Variants in TTC29 observed in about 807,000 individuals in gnomAD.
TTC29 encodes tetratricopeptide repeat protein 29.
Under a neutral mutation model 58.1 loss-of-function variants are expected in TTC29, and 49 were observed. The observed-to-expected ratio is 0.84, with a 90% CI of 0.67 to 1.07. The LOEUF is 1.07. Among genes scored for constraint, TTC29 ranks in the 50% least tolerant of loss-of-function variants. TTC29 has a pLI of 0.00. For missense variants in TTC29, 582 were observed against 555.6 expected, an observed-to-expected ratio of 1.05 and a Z score of -0.48; for synonymous variants, 209 against 196.8, an observed-to-expected ratio of 1.06 and a Z score of -0.52.
intron 8 of TTC29, among the ~76,000 whole-genome samples, chr4:146,839,217 A>G (rs544838201): frequency 8.5e-4 from 129 of 152,138 alleles, no homozygotes; most frequent in African/African-American, 3.1e-3. Context: ...CTGTGTGCTA[A>G]CCAAATAAGC....
chr4:146,924,379 T>C (rs1365255102), intron 4 of TTC29, among the ~76,000 whole-genome samples: 1 of 151,852 alleles, frequency 6.6e-6, no homozygotes, highest in African/African-American at 2.4e-5. Flanking sequence ...TGGAGCCACA[T>C]GGGGCTGGAA....
intron 4 of TTC29, among the ~76,000 whole-genome samples, chr4:146,936,824 C>A (rs992128046): frequency 6.6e-6 from 1 of 151,950 alleles, no homozygotes; most frequent in Admixed American, 6.6e-5. Context: ...TAGAGAGAAT[C>A]TTTTACAAAC....
chr4:146,715,281 A>G (rs1742846591), intron 11 of TTC29, among the ~76,000 whole-genome samples: 1 of 152,182 alleles, frequency 6.6e-6, no homozygotes, highest in South Asian at 2.1e-4. Context: ...AAGGAAATAA[A>G]ATAAATACAT....
intron 11 of TTC29, among the ~76,000 whole-genome samples, chr4:146,772,539 G>A (rs1291016609): frequency 2.6e-5 from 4 of 151,946 alleles, no homozygotes; most frequent in East Asian, 1.9e-4. Context: ...TTGCAGGTGC[G>A]CAGCCTTATT....
intron 11 of TTC29, among the ~76,000 whole-genome samples, chr4:146,743,824 T>C (rs550980040): frequency 5.3e-5 from 8 of 152,342 alleles, no homozygotes; most frequent in African/African-American, 1.9e-4. Context: ...GAGCAATGTG[T>C]GAACCCTTTA....
intron 4 of TTC29, among the ~76,000 whole-genome samples, chr4:146,935,977 T>C (rs1735784482): frequency 6.6e-6 from 1 of 152,194 alleles, no homozygotes; most frequent in Non-Finnish European, 1.5e-5. Flanking sequence ...GGGCAAGGTC[T>C]AGAATGTGTA....
chr4:146,907,473 C>T (rs1733596738), intron 5 of TTC29, among the ~76,000 whole-genome samples: 1 of 152,062 alleles, frequency 6.6e-6, no homozygotes, highest in African/African-American at 2.4e-5. Flanking sequence ...TGGGCAAATA[C>T]TAGAATGTAG....
intron 11 of TTC29, among the ~76,000 whole-genome samples, chr4:146,746,972 T>C (rs1745593360): frequency 6.6e-6 from 1 of 152,080 alleles, no homozygotes; most frequent in African/African-American, 2.4e-5. Flanking sequence ...AAACCTAAGG[T>C]GGCCACACTG....
chr4:146,910,312 G>A (rs549571287), intron 4 of TTC29, among the ~76,000 whole-genome samples: 1 of 151,912 alleles, frequency 6.6e-6, no homozygotes. Context: ...ATGAAATTAG[G>A]TATGTGAGAA....
At chr4:146,852,060 C>T (rs1342262130) in intron 8 of TTC29, among the ~76,000 whole-genome samples, 3 of 152,122 alleles carry the variant, frequency 2.0e-5, no homozygotes, top group Non-Finnish European at 2.9e-5. Context: ...CTCAGCCAAC[C>T]GAGTAGCTGG....
At chr4:146,886,074 T>C (rs909558868) in intron 6 of TTC29, among the ~76,000 whole-genome samples, 3 of 152,134 alleles carry the variant, frequency 2.0e-5, no homozygotes, top group African/African-American at 7.2e-5. Context: ...ATATAATGCA[T>C]ATAAAGTTAA....
In TTC29 at chr4:146,867,496, A is replaced by T; in HGVS notation, c.885+2T>A. The T allele has an allele frequency of 6.9e-7, 1 of 1,441,684 alleles. No individual in the cohort carries two copies. Among genetic ancestry groups the T allele is most frequent in the South Asian group, 1.5e-5 (1 of 64,824 alleles). 89.3% of individuals were successfully genotyped at this position (1,441,684 alleles called of 1,614,324 possible). ...ATGGCAGTGATTAAAAGTTTAGCTT[A>T]CTGTTAATGCTGTTTCATATTCCTC... On this transcript the variant is annotated splice_donor_variant, in intron 8 of 12. Transcript: ENST00000325106. LOFTEE classifies it high-confidence loss of function.
At chr4:146,800,860 G>T (rs10519820) in intron 11 of TTC29, among the ~76,000 whole-genome samples, 1 of 152,106 alleles carries the variant, frequency 6.6e-6, no homozygotes, top group Admixed American at 6.6e-5. Flanking sequence ...CAGTTAAGGC[G>T]ATTACAGAAA....
At chr4:146,817,058 C>T (rs550851226) in intron 10 of TTC29, among the ~76,000 whole-genome samples, 87 of 152,264 alleles carry the variant, frequency 5.7e-4, no homozygotes, top group Non-Finnish European at 1.1e-3. Context: ...TCCTATTCAA[C>T]ATAGCGTTGG....
At chr4:146,760,844 C>A (rs1462583270) in intron 11 of TTC29, among the ~76,000 whole-genome samples, 3 of 136,772 alleles carry the variant, frequency 2.2e-5, no homozygotes, top group African/African-American at 8.4e-5. Flanking sequence ...TGATGGAATA[C>A]TATATATATA....
intron 11 of TTC29, among the ~76,000 whole-genome samples, chr4:146,719,912 T>C (rs1743234212): frequency 6.6e-6 from 1 of 152,126 alleles, no homozygotes; most frequent in African/African-American, 2.4e-5. Flanking sequence ...ATGCAAATCA[T>C]TTGGTGCCAC....
At chr4:146,758,731 C>T (rs1265804682) in intron 11 of TTC29, among the ~76,000 whole-genome samples, 1 of 152,020 alleles carries the variant, frequency 6.6e-6, no homozygotes, top group Non-Finnish European at 1.5e-5. Context: ...TAATCTGCTC[C>T]CAAATAAGCA....
At chr4:146,719,189 G>GT (rs1554004578) in intron 11 of TTC29, among the ~76,000 whole-genome samples, 5 of 144,086 alleles carry the variant, frequency 3.5e-5, no homozygotes, top group Non-Finnish European at 6.1e-5. Flanking sequence ...TGGCTATTGG[G>GT]GTGTGTGTGT....
intron 10 of TTC29, among the ~76,000 whole-genome samples, chr4:146,806,230 G>A: frequency 6.6e-6 from 1 of 152,122 alleles, no homozygotes; most frequent in East Asian, 1.9e-4. Flanking sequence ...AGCTCCTGAA[G>A]GAAACACTAA....
Sources: gnomAD v4.1 joint callset for allele counts (sites outside exome capture counted in the v4.1 genomes callset) on GRCh38, gnomAD v4.1.1 for gene constraint, MANE v1.5 for transcripts, NCBI Gene and HGNC (gene_info 2026-07-23, HGNC 2026-07-21) for gene names.